The following IFT43 variants were observed in gnomAD, a reference collection of about 807,000 sequenced individuals.
The protein encoded by IFT43 is intraflagellar transport 43, also known as intraflagellar transport protein 43 homolog.
In IFT43, 33 loss-of-function variants were observed where a neutral mutation model predicts 32.3. The observed-to-expected ratio is 1.02, with a 90% confidence interval of 0.77 to 1.37. The LOEUF is 1.37. IFT43 is among the 40% of genes most tolerant of loss of function. IFT43 has a pLI of 0.00. For synonymous variants in IFT43, 93 were observed against 98.2 expected (o/e 0.95, Z 0.31); for missense variants, 274 against 265.9 (o/e 1.03, Z -0.21).
At chr14:76,069,753 A>G (rs942237922) in intron 5 of IFT43, among the ~76,000 whole-genome samples, 5 of 152,228 alleles carry the variant, frequency 3.3e-5, no homozygotes, top group African/African-American at 1.2e-4. Flanking sequence ...AGCCCAAAAA[A>G]AGGACTCAGT....
chr14:76,000,673 C>T (rs886756943), intron 2 of IFT43, among the ~76,000 whole-genome samples: 11 of 152,108 alleles, frequency 7.2e-5, no homozygotes, highest in African/African-American at 1.2e-4. Context: ...AAAAACCTGG[C>T]GGAGGGGTCT....
chr14:76,006,044 GGACTAGT>G (rs767334039), intron 2 of IFT43, among the ~76,000 whole-genome samples: 6 of 151,866 alleles, frequency 4.0e-5, no homozygotes, highest in Non-Finnish European at 8.8e-5. Flanking sequence ...TTTTCCCTTG[GGACTAGT>G]GACAGGGACG....
At chr14:75,986,988 A>G (rs1281431458) in intron 1 of IFT43, among the ~76,000 whole-genome samples, 1 of 152,184 alleles carries the variant, frequency 6.6e-6, no homozygotes, top group Admixed American at 6.5e-5. Flanking sequence ...CCCTCATGTG[A>G]TTATGTTGTA....
chr14:76,070,270 C>A (rs1446452040), intron 5 of IFT43, among the ~76,000 whole-genome samples: 1 of 152,252 alleles, frequency 6.6e-6, no homozygotes, highest in African/African-American at 2.4e-5. Flanking sequence ...TCTGGGCTTT[C>A]TAACTCTCTT....
At chr14:76,058,710 A>G (rs2037073605) in intron 4 of IFT43, 36 bp downstream of exon 4, 1 of 1,609,298 alleles carries the variant, frequency 6.2e-7, no homozygotes, top group Admixed American at 1.7e-5. Context: ...ATGGTATCCT[A>G]TGTTGATCTT....
At chr14:76,046,323 T>TG (rs1364588626) in intron 3 of IFT43, among the ~76,000 whole-genome samples, 1 of 152,056 alleles carries the variant, frequency 6.6e-6, no homozygotes, top group Non-Finnish European at 1.5e-5. Flanking sequence ...CATGTGGGGC[T>TG]GGGGGTCTGT....
At position 76,028,241 on chromosome 14, in the gene IFT43, C is replaced by T. The variant is rs372969142; in HGVS notation, c.215+5847C>T. Among the ~76,000 whole-genome samples, 196 of 152,094 alleles carry T rather than the reference C, an allele frequency of 1.3e-3. 5 individuals are homozygous for T. In the South Asian group the frequency reaches 0.037, roughly 29 times the overall value. On this transcript the variant is annotated intron_variant, in intron 3 of 8. Transcript: ENST00000314067. The stretch of plus-strand genomic sequence containing the variant: ...TATAAATAATTAGTAATTGGGGTAC[C>T]GCTTTGAATCCTGTTCACCCACAGT...
At chr14:76,016,495 C>A (rs1178584909) in intron 2 of IFT43, among the ~76,000 whole-genome samples, 1 of 152,020 alleles carries the variant, frequency 6.6e-6, no homozygotes. Flanking sequence ...AGTGTGATGC[C>A]TCCATCTTTG....
rs1382350198 is a variant in IFT43, at chr14:76,022,322, T to C, written c.148-5T>C. The C allele has an allele frequency of 2.5e-6, 4 of 1,612,292 alleles. No individual in the cohort carries two copies. The East Asian group carries it at 8.9e-5, about 36-fold the overall frequency. The stretch of plus-strand genomic sequence containing the variant: ...TGTGTTCTTTTGACTTCTCTTTCCT[T>C]GTAGACTTCCTCTGCTAAATTACCT... On this transcript the variant is annotated splice_polypyrimidine_tract_variant and splice_region_variant and intron_variant, in intron 2 of 8. Coordinates refer to ENST00000314067, the MANE Select transcript of IFT43 (RefSeq NM_001102564.3).
chr14:76,023,310 A>G (rs1269504950), intron 3 of IFT43, among the ~76,000 whole-genome samples: 1 of 152,182 alleles, frequency 6.6e-6, no homozygotes, highest in Non-Finnish European at 1.5e-5. Context: ...CTTAGACTAG[A>G]TGCTGATCCC....
chr14:76,056,237 G>T (rs2037012470), intron 3 of IFT43, among the ~76,000 whole-genome samples: 1 of 152,170 alleles, frequency 6.6e-6, no homozygotes, highest in South Asian at 2.1e-4. Context: ...GTTATTTCTG[G>T]CAGAGAGAGA....
intron 3 of IFT43, chr14:76,038,266 C>T (rs2036641492): frequency 6.6e-6 from 1 of 152,166 alleles, no homozygotes; most frequent in African/African-American, 2.4e-5. Flanking sequence ...GTGGCTGTGC[C>T]TAGAGTTTAG....
chr14:76,079,749 C>T (rs1022337684), intron 5 of IFT43, among the ~76,000 whole-genome samples: 5 of 152,194 alleles, frequency 3.3e-5, no homozygotes, highest in African/African-American at 9.7e-5. Flanking sequence ...CTGTTAAAAT[C>T]GTGTGCTTTG....
At chr14:76,023,179 C>T (rs2036326686) in intron 3 of IFT43, among the ~76,000 whole-genome samples, 1 of 152,318 alleles carries the variant, frequency 6.6e-6, no homozygotes. Flanking sequence ...AGATGTTTAC[C>T]ATGGCTGAGC....
rs1271680289 is a variant in IFT43 at position 76,076,601 on chromosome 14, AC to A, written c.296-5691del. The A allele has an allele frequency of 3.1e-6, 5 of 1,614,018 alleles. No individual in the cohort carries two copies. In the African/African-American group the frequency reaches 6.7e-5, roughly 22 times the overall value. ...AGAAGTCACTTTCTGTTCTAGCGGT[AC>A]CCAAACAGGCAAACAACAGCTGGAT... is the stretch of plus-strand genomic sequence containing the variant. On this transcript the variant is annotated intron_variant, in intron 5 of 8. Coordinates refer to ENST00000314067, the MANE Select transcript of IFT43 (RefSeq NM_001102564.3).
In IFT43 at chr14:76,047,733, C is replaced by CTT. The variant is rs74779039; in HGVS notation, c.216-10895_216-10894dup. On this transcript the variant is annotated intron_variant, in intron 3 of 8. Coordinates refer to ENST00000314067, the MANE Select transcript of IFT43 (RefSeq NM_001102564.3). ...CCTCCCTCTGTTCCTTCCCTCCCTC[C>CTT]TTTTTTTTTTTTTTTGTCATTGCAG... is the stretch of plus-strand genomic sequence containing the variant. Among the ~76,000 whole-genome samples the CTT allele has an allele frequency of 5.7e-5, 8 of 141,460 alleles. No homozygotes were observed. The South Asian group carries it at 9.0e-4, about 16-fold the overall frequency. The allele number at this position is 141,460 out of a possible 152,430, so 92.8% of individuals were successfully genotyped here.
intron 5 of IFT43, among the ~76,000 whole-genome samples, chr14:76,067,557 G>A (rs886667880): frequency 2.0e-5 from 3 of 151,232 alleles, no homozygotes; most frequent in East Asian, 3.9e-4. Flanking sequence ...ACTCCAGCCT[G>A]GGAGACAGAG....
In IFT43 at chr14:76,013,885, TAAAACAAAAC is replaced by T. The variant is rs61478866; in HGVS notation, c.148-8438_148-8429del. 8.4e-3 allele frequency: 2,011 copies of T among 238,632 alleles called. 53 individuals are homozygous for T. Among genetic ancestry groups the T allele is most frequent in the African/African-American group, 0.043 (1,874 of 43,204 alleles). The allele number at this position is 238,632 out of a possible 1,614,324, so 14.8% of individuals were successfully genotyped here. ...CATTTAAACCACTGAAGACCACAGT[TAAAACAAAAC>T]AAAGATTTATCACCCAAACAATGAC... On this transcript the variant is annotated intron_variant, in intron 2 of 8. Transcript: ENST00000314067.
At chr14:76,077,670 A>C (rs2140091794) in intron 5 of IFT43, among the ~76,000 whole-genome samples, 1 of 152,254 alleles carries the variant, frequency 6.6e-6, no homozygotes, top group South Asian at 2.1e-4. Flanking sequence ...TTAGATTCAG[A>C]AGTGATCCAC....
Sources: gnomAD v4.1 joint callset for allele counts (sites outside exome capture counted in the v4.1 genomes callset) on GRCh38, gnomAD v4.1.1 for gene constraint, MANE v1.5 for transcripts, NCBI Gene and HGNC (gene_info 2026-07-23, HGNC 2026-07-21) for gene names.